Variants in THSD7B observed in about 807,000 individuals in gnomAD.
THSD7B encodes the protein thrombospondin type 1 domain containing 7B, also known as thrombospondin type-1 domain-containing protein 7B.
In THSD7B, 138 loss-of-function variants were observed where a neutral mutation model predicts 213.6. The observed-to-expected ratio is 0.65, with a 90% CI of 0.56 to 0.74. THSD7B has a LOEUF of 0.74. THSD7B is among the 30% of genes least tolerant of loss of function. THSD7B has a pLI of 0.00. For synonymous variants in THSD7B, 742 were observed against 687.0 expected, an observed-to-expected ratio of 1.08 and a Z score of -1.25; for missense variants, 1,931 against 1,991.5, an observed-to-expected ratio of 0.97 and a Z score of 0.58.
intron 14 of THSD7B, among the ~76,000 whole-genome samples, chr2:137,437,211 G>C (rs754626671): frequency 4.5e-4 from 69 of 152,202 alleles, no homozygotes; most frequent in Middle Eastern, 3.4e-3. Context: ...TACTTCAAAT[G>C]TACACAGCCA....
intron 15 of THSD7B, among the ~76,000 whole-genome samples, chr2:137,534,393 A>G (rs1469731096): frequency 6.6e-6 from 1 of 151,730 alleles, no homozygotes; most frequent in Non-Finnish European, 1.5e-5. Flanking sequence ...TCAGAAAAGT[A>G]TCATTCATAA....
intron 15 of THSD7B, among the ~76,000 whole-genome samples, chr2:137,504,467 G>C (rs1679787921): frequency 6.6e-6 from 1 of 152,116 alleles, no homozygotes; most frequent in African/African-American, 2.4e-5. Flanking sequence ...CCATGTAGTT[G>C]ACTGTTTTTC....
chr2:137,133,142 A>G (rs1688772217), intron 5 of THSD7B, among the ~76,000 whole-genome samples: 1 of 152,170 alleles, frequency 6.6e-6, no homozygotes, highest in Non-Finnish European at 1.5e-5. Flanking sequence ...CACACTGAAT[A>G]CCTAGGAAAT....
At position 136,822,762 on chromosome 2, in the gene THSD7B, A is replaced by C. The variant is rs1014599496; in HGVS notation, c.-36+57075A>C. Reference sequence around the variant, plus strand: ...CCTTTGCCTGGTGTCACCACGGAGCATGTTTGAAAGGGAGAGTCCTACCTG... The same window carrying C: ...CCTTTGCCTGGTGTCACCACGGAGCCTGTTTGAAAGGGAGAGTCCTACCTG... On this transcript the variant is annotated intron_variant, in intron 1 of 27. Transcript: ENST00000409968. Among the ~76,000 whole-genome samples, 13 of 152,330 alleles carry C rather than the reference A, an allele frequency of 8.5e-5. No homozygotes were observed. The East Asian group carries it at 2.5e-3, about 29-fold the overall frequency.
chr2:137,406,975 C>A (rs192668183), intron 13 of THSD7B, among the ~76,000 whole-genome samples: 1 of 152,252 alleles, frequency 6.6e-6, no homozygotes, highest in East Asian at 1.9e-4. Context: ...TTTGCCTGTA[C>A]AAACATAACG....
chr2:137,237,737 G>T (rs1223184640), intron 9 of THSD7B, among the ~76,000 whole-genome samples: 2 of 152,176 alleles, frequency 1.3e-5, no homozygotes, highest in Non-Finnish European at 2.9e-5. Context: ...AAGACTATGA[G>T]AAAATGTATG....
At chr2:136,994,450 C>T (rs1207338359) in intron 2 of THSD7B, among the ~76,000 whole-genome samples, 2 of 152,090 alleles carry the variant, frequency 1.3e-5, no homozygotes, top group Non-Finnish European at 1.5e-5. Context: ...GCCTTTAGTC[C>T]CAGCTACTTG....
At chr2:137,492,072 A>G (rs114095058) in intron 15 of THSD7B, among the ~76,000 whole-genome samples, 1,753 of 152,036 alleles carry the variant, frequency 0.012, 38 homozygotes, top group African/African-American at 0.039. Flanking sequence ...GATTAGCTCT[A>G]TTTTCAACTA....
chr2:137,469,335 T>C (rs1558806825), intron 15 of THSD7B, among the ~76,000 whole-genome samples: 1 of 152,194 alleles, frequency 6.6e-6, no homozygotes, highest in Non-Finnish European at 1.5e-5. Flanking sequence ...AAGTGAAATA[T>C]GAACATTCTG....
At chr2:136,868,518 ATAAT>A (rs1683381627) in intron 1 of THSD7B, among the ~76,000 whole-genome samples, 1 of 152,238 alleles carries the variant, frequency 6.6e-6, no homozygotes, top group Admixed American at 6.5e-5. Flanking sequence ...CAATAGATGC[ATAAT>A]TAATCAAGAG....
intron 2 of THSD7B, among the ~76,000 whole-genome samples, chr2:136,949,198 G>A (rs1054696764): frequency 6.6e-6 from 1 of 152,160 alleles, no homozygotes; most frequent in Non-Finnish European, 1.5e-5. Flanking sequence ...ATTGTATCCT[G>A]CAATTGTGCT....
At chr2:137,582,967 G>C (rs1681616336) in intron 17 of THSD7B, among the ~76,000 whole-genome samples, 1 of 152,182 alleles carries the variant, frequency 6.6e-6, no homozygotes, top group African/African-American at 2.4e-5. Context: ...CAGTGTAAAA[G>C]TGTTCCTATT....
intron 2 of THSD7B, among the ~76,000 whole-genome samples, chr2:136,953,221 G>T (rs570286102): frequency 6.6e-6 from 1 of 152,276 alleles, no homozygotes; most frequent in East Asian, 1.9e-4. Context: ...GCAGCAGAGG[G>T]CCTCTCTGGA....
chr2:137,014,717 T>C (rs1686305057), intron 2 of THSD7B, among the ~76,000 whole-genome samples: 1 of 152,208 alleles, frequency 6.6e-6, no homozygotes, highest in Non-Finnish European at 1.5e-5. Flanking sequence ...AGCTGCTCTC[T>C]CAGTTTATCT....
chr2:137,246,740 A>G (rs1443693459), intron 10 of THSD7B, among the ~76,000 whole-genome samples: 2 of 151,296 alleles, frequency 1.3e-5, no homozygotes, highest in Admixed American at 1.3e-4. Flanking sequence ...AATTCACCAA[A>G]TTATCACGAA....
At chr2:137,545,120 T>C (rs981147718) in intron 15 of THSD7B, among the ~76,000 whole-genome samples, 7 of 151,846 alleles carry the variant, frequency 4.6e-5, no homozygotes, top group Non-Finnish European at 1.0e-4. Context: ...GTATTTTTGA[T>C]GAAGAAAATG....
intron 2 of THSD7B, among the ~76,000 whole-genome samples, chr2:137,016,726 A>T (rs1686349602): frequency 6.6e-6 from 1 of 152,176 alleles, no homozygotes; most frequent in Non-Finnish European, 1.5e-5. Flanking sequence ...ATGCACCTTA[A>T]TGTAGTACTG....
At chr2:137,059,116 C>T (rs760253016) in intron 3 of THSD7B, among the ~76,000 whole-genome samples, 1 of 151,774 alleles carries the variant, frequency 6.6e-6, no homozygotes, top group Admixed American at 6.6e-5. Context: ...TGAAGGTTGT[C>T]TTCTTGTCTT....
intron 15 of THSD7B, among the ~76,000 whole-genome samples, chr2:137,541,994 G>A (rs1680619507): frequency 6.6e-6 from 1 of 151,364 alleles, no homozygotes; most frequent in South Asian, 2.1e-4. Context: ...TCACATCACG[G>A]GAGTCCCGGA....
Sources: allele counts gnomAD v4.1 joint callset (sites outside exome capture counted in the v4.1 genomes callset), GRCh38; gene constraint gnomAD v4.1.1; transcripts MANE v1.5; gene names NCBI Gene and HGNC (gene_info 2026-07-23, HGNC 2026-07-21).